The following PCCA variants were observed in gnomAD, a reference collection of about 807,000 sequenced individuals.
PCCA encodes the protein propionyl-CoA carboxylase subunit alpha, also known as propionyl-CoA carboxylase alpha chain, mitochondrial.
Under a neutral mutation model 101.3 loss-of-function variants are expected in PCCA, and 74 were observed. That is an observed-to-expected ratio of 0.73 (90% CI 0.61 to 0.89). The LOEUF (loss-of-function observed/expected upper bound fraction) is 0.89, where lower values mean the gene tolerates loss of function less well. PCCA is among the 40% of genes least tolerant of loss of function. The pLI is 0.00. For missense variants in PCCA, 891 were observed against 907.0 expected (o/e 0.98, Z 0.23); for synonymous variants, 294 against 313.6 (o/e 0.94, Z 0.66).
chr13:100,415,053 A>G (rs1312126773), intron 19 of PCCA, among the ~76,000 whole-genome samples: 4 of 152,062 alleles, frequency 2.6e-5, no homozygotes, highest in African/African-American at 4.8e-5. Flanking sequence ...TTTTAGATGT[A>G]AAATGGGAGG....
intron 7 of PCCA, among the ~76,000 whole-genome samples, chr13:100,234,506 T>A (rs2060668937): frequency 6.6e-6 from 1 of 151,554 alleles, no homozygotes; most frequent in African/African-American, 2.4e-5. Context: ...AAAACTGATG[T>A]CGCTTTCAGG....
chr13:100,241,481 A>AT (rs1156812816), intron 8 of PCCA, among the ~76,000 whole-genome samples: 2 of 151,662 alleles, frequency 1.3e-5, no homozygotes, highest in Non-Finnish European at 2.9e-5. Flanking sequence ...TCTGTTTTTT[A>AT]TTTTTTTGAG....
At chr13:100,443,142 G>C (rs2152919230) in intron 20 of PCCA, among the ~76,000 whole-genome samples, 2 of 152,198 alleles carry the variant, frequency 1.3e-5, no homozygotes, top group Admixed American at 1.3e-4. Flanking sequence ...CAGGTGAGAG[G>C]TACTGGTGGC....
chr13:100,296,969 A>C (rs1383949818), intron 12 of PCCA, among the ~76,000 whole-genome samples: 1 of 152,202 alleles, frequency 6.6e-6, no homozygotes, highest in Non-Finnish European at 1.5e-5. Flanking sequence ...ATCTGGAATA[A>C]TCCTTAGTTT....
chr13:100,339,258 A>AT (rs1038059838), intron 17 of PCCA, among the ~76,000 whole-genome samples: 6 of 151,822 alleles, frequency 4.0e-5, no homozygotes, highest in Admixed American at 2.6e-4. Context: ...ACAACAATAC[A>AT]TTTTTTTTCT....
chr13:100,275,135 G>T (rs1466581258), intron 12 of PCCA, among the ~76,000 whole-genome samples: 1 of 152,104 alleles, frequency 6.6e-6, no homozygotes, highest in Non-Finnish European at 1.5e-5. Context: ...TTTCTCACGT[G>T]CACCAAGGGG....
intron 22 of PCCA, among the ~76,000 whole-genome samples, chr13:100,522,122 A>G (rs116105006): frequency 0.011 from 1,748 of 152,350 alleles, 36 homozygotes; most frequent in African/African-American, 0.04. Flanking sequence ...GAAGTGCTTC[A>G]TGCCCTGCTT....
intron 6 of PCCA, among the ~76,000 whole-genome samples, chr13:100,208,017 A>C (rs2152475963): frequency 6.6e-6 from 1 of 152,160 alleles, no homozygotes; most frequent in East Asian, 2.0e-4. Context: ...ACTCTGTCTC[A>C]AAAAAGAAAA....
chr13:100,429,031 G>C (rs1277822952), intron 20 of PCCA, among the ~76,000 whole-genome samples: 1 of 152,062 alleles, frequency 6.6e-6, no homozygotes, highest in Non-Finnish European at 1.5e-5. Context: ...GTGAAGATTG[G>C]AGGCAAAGAG....
chr13:100,404,112 A>G (rs1183786976), intron 19 of PCCA, among the ~76,000 whole-genome samples: 3 of 152,210 alleles, frequency 2.0e-5, no homozygotes, highest in South Asian at 2.1e-4. Context: ...CTCCAGTTGC[A>G]TGACCATTTG....
intron 21 of PCCA, among the ~76,000 whole-genome samples, chr13:100,495,603 C>T (rs2085218035): frequency 6.6e-6 from 1 of 152,272 alleles, no homozygotes. Context: ...AATACCTTTT[C>T]CTGCTCTGCT....
intron 2 of PCCA, among the ~76,000 whole-genome samples, chr13:100,109,421 C>G (rs754497499): frequency 6.6e-6 from 1 of 152,160 alleles, no homozygotes; most frequent in Admixed American, 6.5e-5. Context: ...CTTAATTCTT[C>G]CATTGTTATC....
intron 23 of PCCA, among the ~76,000 whole-genome samples, chr13:100,529,274 G>T (rs147716543): frequency 6.6e-6 from 1 of 152,120 alleles, no homozygotes; most frequent in Non-Finnish European, 1.5e-5. Flanking sequence ...CTAACACTGC[G>T]TCCTCTAGTA....
At chr13:100,138,934 C>CAAAAAAA (rs34466523) in intron 4 of PCCA, among the ~76,000 whole-genome samples, 24 of 83,016 alleles carry the variant, frequency 2.9e-4, no homozygotes, top group East Asian at 6.6e-4. Flanking sequence ...AACTCCATCT[C>CAAAAAAA]AAAAAAAAAA....
intron 4 of PCCA, among the ~76,000 whole-genome samples, chr13:100,135,387 G>A (rs905215763): frequency 7.9e-5 from 12 of 152,024 alleles, no homozygotes; most frequent in Non-Finnish European, 1.3e-4. Flanking sequence ...GTGAGACTCT[G>A]TCTCTTTAAA....
intron 2 of PCCA, among the ~76,000 whole-genome samples, chr13:100,110,745 A>T (rs904062183): frequency 5.3e-5 from 8 of 152,188 alleles, no homozygotes; most frequent in Non-Finnish European, 1.0e-4. Flanking sequence ...TGACACTTAG[A>T]ATTTCCCAGA....
intron 21 of PCCA, among the ~76,000 whole-genome samples, chr13:100,449,512 A>T (rs1566335385): frequency 6.6e-6 from 1 of 152,138 alleles, no homozygotes; most frequent in Non-Finnish European, 1.5e-5. Context: ...TTTGAGACAG[A>T]GTCTCACTGT....
intron 4 of PCCA, among the ~76,000 whole-genome samples, chr13:100,137,449 A>G (rs1046360132): frequency 2.6e-5 from 4 of 152,200 alleles, no homozygotes; most frequent in Non-Finnish European, 5.9e-5. Flanking sequence ...TGATGTTTCC[A>G]ACGATGACTG....
intron 7 of PCCA, among the ~76,000 whole-genome samples, chr13:100,234,906 C>A (rs1210859200): frequency 2.0e-5 from 3 of 151,794 alleles, no homozygotes; most frequent in African/African-American, 7.3e-5. Context: ...CACACACACA[C>A]ACACACACCC....
Sources: gnomAD v4.1 joint callset for allele counts (sites outside exome capture counted in the v4.1 genomes callset) on GRCh38, gnomAD v4.1.1 for gene constraint, MANE v1.5 for transcripts, NCBI Gene and HGNC (gene_info 2026-07-23, HGNC 2026-07-21) for gene names.